NFXL1: variants seen among roughly 807,000 people sequenced by gnomAD.
NFXL1 encodes nuclear transcription factor, X-box binding like 1.
A neutral mutation model predicts 123.3 loss-of-function variants in NFXL1; 66 were observed. That is an observed-to-expected ratio of 0.54 (90% CI 0.44 to 0.66). NFXL1 has a LOEUF of 0.66. Ranked by LOEUF, NFXL1 falls within the 30% of genes least tolerant of loss-of-function variation. NFXL1 has a pLI of 0.00. For synonymous variants in NFXL1, 346 were observed against 360.8 expected (o/e 0.96, Z 0.46); for missense variants, 944 against 1,125.6 (o/e 0.84, Z 2.31).
Position 47,875,179 on chromosome 4 carries a change from T to G in NFXL1, c.2194A>C (p.Met732Leu), listed in dbSNP as rs1164922969. The G allele has an allele frequency of 4.3e-6, 7 of 1,612,748 alleles. 1 individual carries two copies. The highest frequency in any genetic ancestry group is 3.3e-5 in the South Asian group (3 of 91,040). The change falls in exon 18 of 23, where the codon ATG becomes CTG. Residue 732 changes from methionine to leucine, a missense_variant. Physicochemically the swap from Met to Leu is conservative, Grantham distance 15. Coordinates refer to ENST00000507489, the MANE Select transcript of NFXL1 (RefSeq NM_001278624.2). ...HPGECPPCVQ[M>L]LRIKCHCKIT... ...TTACAGTGACATTTTATTCTAAGCATCTGAACACAAGGTGGACATTCTCCA... is the reference window on the plus strand; with the variant it reads ...TTACAGTGACATTTTATTCTAAGCAGCTGAACACAAGGTGGACATTCTCCA...
chr4:47,874,766 T>C (rs1037691104), intron 18 of NFXL1, among the ~76,000 whole-genome samples: 5 of 152,160 alleles, frequency 3.3e-5, no homozygotes, highest in African/African-American at 9.7e-5. Context: ...TGAAGTCCAA[T>C]AAAACAAGGT....
At chr4:47,873,780 C>T (rs1735580663) in intron 18 of NFXL1, among the ~76,000 whole-genome samples, 1 of 152,206 alleles carries the variant, frequency 6.6e-6, no homozygotes, top group Admixed American at 6.5e-5. Context: ...CACTTTAAAG[C>T]CAGGCACTGA....
At chr4:47,908,310 G>C (rs4695304) in intron 3 of NFXL1, among the ~76,000 whole-genome samples, 1 of 151,998 alleles carries the variant, frequency 6.6e-6, no homozygotes, top group African/African-American at 2.4e-5. Context: ...TGCAGTACCA[G>C]CTACTTGGGA....
Position 47,853,263 on chromosome 4 carries a change from T to C in NFXL1, c.2422-1321A>G, listed in dbSNP as rs148994441. Among the ~76,000 whole-genome samples the C allele has an allele frequency of 4.7e-4, 72 of 152,228 alleles. 1 individual carries two copies. In the East Asian group the frequency reaches 0.014, roughly 29 times the overall value. On this transcript the variant is annotated intron_variant, in intron 20 of 22. Transcript: ENST00000507489. ...CTGTTAAGTGCTAAATAAATAACAA[T>C]AGTAATTGCAGCTACTATTTATTAC... is the stretch of plus-strand genomic sequence containing the variant.
intron 12 of NFXL1, 43 bp from the exon 13 acceptor site, chr4:47,886,042 C>T: frequency 6.3e-7 from 1 of 1,587,874 alleles, no homozygotes. Flanking sequence ...CTTAACTACC[C>T]AAATGCCTAT....
chr4:47,853,841 A>G (rs1734260432), intron 20 of NFXL1, among the ~76,000 whole-genome samples: 1 of 152,066 alleles, frequency 6.6e-6, no homozygotes, highest in Non-Finnish European at 1.5e-5. Flanking sequence ...TATACAATGC[A>G]CTTTTTCCAT....
chr4:47,871,589 G>C, intron 18 of NFXL1, among the ~76,000 whole-genome samples: 1 of 152,140 alleles, frequency 6.6e-6, no homozygotes, highest in East Asian at 1.9e-4. Flanking sequence ...ATTCGTGGGT[G>C]AAAGTTTGAT....
intron 5 of NFXL1, among the ~76,000 whole-genome samples, chr4:47,902,720 T>C (rs181392228): frequency 3.9e-5 from 6 of 152,276 alleles, no homozygotes; most frequent in African/African-American, 9.6e-5. Flanking sequence ...CTAGTAGTTA[T>C]AGAAATTCAA....
intron 11 of NFXL1, 75 bp from the exon 12 acceptor site, chr4:47,890,778 A>C (rs2110087689): frequency 1.3e-6 from 1 of 780,252 alleles, no homozygotes; most frequent in East Asian, 2.6e-5. Context: ...TACTAGTTAC[A>C]GAACTTATGG....
chr4:47,904,795 C>A (rs10028155), intron 4 of NFXL1, among the ~76,000 whole-genome samples: 46,554 of 152,112 alleles, frequency 0.31, 7,782 homozygotes, highest in East Asian at 0.59. Context: ...TCTCTCCCGA[C>A]TGACCCTCAC....
rs1736084405 is a variant in NFXL1, at chr4:47,881,042, T to C, written c.1917-1925A>G. On this transcript the variant is annotated intron_variant, in intron 15 of 22. Coordinates refer to ENST00000507489, the MANE Select transcript of NFXL1 (RefSeq NM_001278624.2). ...AAGTTCTGGGGTTTTATAGTTATCT[T>C]ACAGTGCTATAAAACTACTGTTATC... 4.6e-5 allele frequency among the ~76,000 whole-genome samples: 7 copies of C among 152,106 alleles called. No individual in the cohort carries two copies. In the South Asian group the frequency reaches 1.5e-3, roughly 32 times the overall value.
intron 20 of NFXL1, among the ~76,000 whole-genome samples, chr4:47,854,100 A>G (rs762627078): frequency 6.6e-6 from 1 of 152,132 alleles, no homozygotes; most frequent in Non-Finnish European, 1.5e-5. Flanking sequence ...TCTAAAACTT[A>G]AAGATTCCAC....
intron 15 of NFXL1, 33 bp downstream of exon 15, chr4:47,884,312 GT>G (rs747096244): frequency 0.035 from 31,427 of 900,054 alleles, 2 homozygotes; most frequent in South Asian, 0.044. Flanking sequence ...AAAGTTTTTT[GT>G]TTTTTTTTTT....
chr4:47,905,949 T>C (rs1165817719), intron 3 of NFXL1, among the ~76,000 whole-genome samples: 1 of 152,166 alleles, frequency 6.6e-6, no homozygotes, highest in Non-Finnish European at 1.5e-5. Context: ...CAGTAATTAT[T>C]GAGTGCTTAT....
At chr4:47,902,775 C>A (rs1335413115) in intron 5 of NFXL1, among the ~76,000 whole-genome samples, 1 of 152,154 alleles carries the variant, frequency 6.6e-6, no homozygotes. Flanking sequence ...TCTTCACACA[C>A]CAAATGACTA....
At position 47,896,585 on chromosome 4, in the gene NFXL1, C is replaced by G. The variant is rs1424346366; in HGVS notation, c.1267G>C (p.Glu423Gln). Reference sequence around the variant, plus strand: ...TGTGAACATCTATGGATTCCGCATTCAAGTACTTTGTCACAACTGTCTCCA... The same window carrying G: ...TGTGAACATCTATGGATTCCGCATTGAAGTACTTTGTCACAACTGTCTCCA... The part of the protein sequence containing the change: ...TCGDSCDKVL[E>Q]CGIHRCSQRC... Residue 423 changes from glutamate (E) to glutamine (Q), a missense_variant, in exon 10 of 23, where the codon GAA becomes CAA. Glu to Gln is a conservative substitution (Grantham distance 29). Transcript: ENST00000507489. 1.9e-6 allele frequency: 3 copies of G among 1,612,902 alleles called. No individual in the cohort carries two copies. In the South Asian group the frequency reaches 3.3e-5, roughly 18 times the overall value.
chr4:47,867,602 C>A (rs1424341162), intron 18 of NFXL1, among the ~76,000 whole-genome samples: 1 of 151,812 alleles, frequency 6.6e-6, no homozygotes, highest in Middle Eastern at 3.2e-3. Context: ...AAATTATTAA[C>A]CCTGAGTCGT....
At position 47,894,168 on chromosome 4, in the gene NFXL1, TA is replaced by T; in HGVS notation, c.1452+11del. On this transcript the variant is annotated intron_variant, in intron 11 of 22. Coordinates refer to ENST00000507489, the MANE Select transcript of NFXL1 (RefSeq NM_001278624.2). Reference sequence around the variant, plus strand: ...TCTTTAAATCAGAGGTTTCCAAGGTTAATACACAAACCTTTCTTCTACATTG... The same window carrying T: ...TCTTTAAATCAGAGGTTTCCAAGGTTATACACAAACCTTTCTTCTACATTG... 1 of 1,586,854 alleles carries T rather than the reference TA, an allele frequency of 6.3e-7. No individual in the cohort carries two copies. The highest frequency in any genetic ancestry group is 8.6e-7 in the Non-Finnish European group (1 of 1,167,252).
chr4:47,856,120 A>T (rs985746152), intron 19 of NFXL1, among the ~76,000 whole-genome samples: 3 of 152,236 alleles, frequency 2.0e-5, no homozygotes, highest in Middle Eastern at 3.4e-3. Flanking sequence ...ACTATTTGTT[A>T]GGGGTTAAAT....
Sources: gnomAD v4.1 joint callset for allele counts (sites outside exome capture counted in the v4.1 genomes callset) on GRCh38, gnomAD v4.1.1 for gene constraint, MANE v1.5 for transcripts, NCBI Gene and HGNC (gene_info 2026-07-23, HGNC 2026-07-21) for gene names.